Variants in FRY observed in about 807,000 individuals in gnomAD.
The protein encoded by FRY is protein furry homolog.
In FRY, 128 loss-of-function variants were observed where a neutral mutation model predicts 348.4. The ratio of observed to expected loss-of-function variants is 0.37; its 90% CI spans 0.32 to 0.43. The LOEUF is 0.43. FRY is among the 20% of genes least tolerant of loss of function. The pLI, the probability that FRY is intolerant of heterozygous loss-of-function variation, is 1.00. For synonymous variants in FRY, 1,370 were observed against 1,374.7 expected, an observed-to-expected ratio of 1.00 and a Z score of 0.08; for missense variants, 2,736 against 3,695.2, an observed-to-expected ratio of 0.74 and a Z score of 6.73.
At chr13:32,294,323 C>G in intron 59 of FRY, 45 bp from the exon 60 acceptor site, 1 of 1,374,998 alleles carries the variant, frequency 7.3e-7, no homozygotes, top group Non-Finnish European at 1.0e-6. Context: ...TGTAAAATTC[C>G]CCCAGCACCT....
intron 23 of FRY, among the ~76,000 whole-genome samples, chr13:32,181,670 T>C (rs1882721696): frequency 6.6e-6 from 1 of 151,952 alleles, no homozygotes; most frequent in Non-Finnish European, 1.5e-5. Context: ...AATCTAAGAT[T>C]GTTTTGCATA....
chr13:32,217,863 G>GTTTTT (rs1566141040), intron 35 of FRY, among the ~76,000 whole-genome samples: 1 of 152,014 alleles, frequency 6.6e-6, no homozygotes, highest in East Asian at 1.9e-4. Flanking sequence ...TTTTGTTTTT[G>GTTTTT]TTTTGTTTGT....
rs569920748 is a variant in FRY, at chr13:32,287,120, G to A, written c.8470-2513G>A. ...GCGGAGGTTGCAATGAGCCAAAATC[G>A]TGCCACTGTACTCCAGCCTGGGCGA... On this transcript the variant is annotated intron_variant, in intron 58 of 60. Transcript: ENST00000542859. Among the ~76,000 whole-genome samples the A allele has an allele frequency of 4.7e-3, 709 of 151,002 alleles. 4 individuals carry two copies. The highest frequency in any genetic ancestry group is 7.6e-3 in the Non-Finnish European group (517 of 67,820).
At chr13:32,213,520 G>A (rs1049837617) in intron 35 of FRY, among the ~76,000 whole-genome samples, 2 of 152,176 alleles carry the variant, frequency 1.3e-5, no homozygotes, top group African/African-American at 4.8e-5. Flanking sequence ...ATGAATAAAG[G>A]TTTTTATATT....
intron 53 of FRY, among the ~76,000 whole-genome samples, chr13:32,264,574 C>T (rs1202737939): frequency 6.6e-6 from 1 of 152,138 alleles, no homozygotes; most frequent in Non-Finnish European, 1.5e-5. Flanking sequence ...TGCCTTCCTT[C>T]CTCTCCTAAA....
At chr13:32,110,109 A>G (rs757060775) in intron 3 of FRY, among the ~76,000 whole-genome samples, 20 of 152,226 alleles carry the variant, frequency 1.3e-4, no homozygotes, top group Non-Finnish European at 1.3e-4. Context: ...ATGGATGTGT[A>G]GAGTGCATTT....
At chr13:32,122,485 A>G (rs1878731463) in intron 4 of FRY, among the ~76,000 whole-genome samples, 1 of 151,900 alleles carries the variant, frequency 6.6e-6, no homozygotes, top group African/African-American at 2.4e-5. Context: ...AAAATCCGGC[A>G]TCTCTTTATG....
chr13:32,165,387 T>G (rs934612576), intron 17 of FRY, among the ~76,000 whole-genome samples: 5 of 152,248 alleles, frequency 3.3e-5, no homozygotes, highest in Non-Finnish European at 7.3e-5. Context: ...ATTGCCTCAA[T>G]AATTCACTTA....
chr13:32,099,253 C>CAT (rs1031338218), intron 2 of FRY, among the ~76,000 whole-genome samples: 7 of 151,498 alleles, frequency 4.6e-5, no homozygotes, highest in East Asian at 3.9e-4. Flanking sequence ...ATAACAAAGA[C>CAT]ATATATATAT....
chr13:32,124,951 T>G, intron 7 of FRY, 76 bp downstream of exon 7: 1 of 1,100,846 alleles, frequency 9.1e-7, no homozygotes, highest in Non-Finnish European at 1.4e-6. Context: ...TTTAGGGAAG[T>G]TGGGGTTGAG....
intron 11 of FRY, among the ~76,000 whole-genome samples, chr13:32,137,537 C>T (rs1424599274): frequency 2.0e-5 from 3 of 152,228 alleles, no homozygotes; most frequent in African/African-American, 7.2e-5. Flanking sequence ...GGCAGTCAGT[C>T]CTAAGCATTC....
rs151025814 is a variant in FRY at position 32,237,161 on chromosome 13, C to G, written c.5811-218C>G. On this transcript the variant is annotated intron_variant, in intron 43 of 60. Coordinates refer to ENST00000542859, the MANE Select transcript of FRY (RefSeq NM_023037.3). This position sits in a 1 kb window ranked among gnomAD's most constrained non-coding sequence, Gnocchi z 6.3. ...CCAATTATTGATTCCTCTACATTTT[C>G]AAGAAGTAGCAGTCAGTATTGGGCT... Among the ~76,000 whole-genome samples, 529 of 152,234 alleles carry G rather than the reference C, an allele frequency of 3.5e-3. 3 individuals are homozygous for G. Among genetic ancestry groups the G allele is most frequent in the African/African-American group, 0.012 (506 of 41,552 alleles).
intron 47 of FRY, among the ~76,000 whole-genome samples, chr13:32,245,523 A>C (rs1206748899): frequency 6.6e-6 from 1 of 152,042 alleles, no homozygotes; most frequent in African/African-American, 2.4e-5. Flanking sequence ...CTGGGGAGAG[A>C]GTTTCCCTTG....
chr13:32,165,182 A>G (rs1204269815), intron 17 of FRY, among the ~76,000 whole-genome samples: 1 of 152,192 alleles, frequency 6.6e-6, no homozygotes, highest in Non-Finnish European at 1.5e-5. Flanking sequence ...CAAAATAATA[A>G]ACACGTTTTA....
At chr13:32,212,076 A>G (rs898105013) in intron 34 of FRY, among the ~76,000 whole-genome samples, 1 of 152,226 alleles carries the variant, frequency 6.6e-6, no homozygotes, top group African/African-American at 2.4e-5. Context: ...GAGTTAAGGA[A>G]TTTGGTTTGA....
intron 47 of FRY, among the ~76,000 whole-genome samples, chr13:32,244,497 G>A (rs1046202065): frequency 4.6e-5 from 7 of 152,240 alleles, no homozygotes; most frequent in Admixed American, 3.3e-4. Flanking sequence ...TTTTTATCCC[G>A]TTTCAGAGAA....
intron 2 of FRY, among the ~76,000 whole-genome samples, chr13:32,086,756 A>G (rs1875890106): frequency 1.3e-5 from 2 of 152,196 alleles, no homozygotes; most frequent in South Asian, 4.1e-4. Flanking sequence ...TAAAAAAAAA[A>G]TCTAACTTTA....
intron 46 of FRY, among the ~76,000 whole-genome samples, chr13:32,242,109 T>A (rs1566161525): frequency 6.6e-6 from 1 of 152,256 alleles, no homozygotes; most frequent in Non-Finnish European, 1.5e-5. Context: ...CTTTTGTTGC[T>A]AATGTTCATA....
chr13:32,136,106 G>A (rs1223382286), intron 10 of FRY, among the ~76,000 whole-genome samples: 1 of 152,100 alleles, frequency 6.6e-6, no homozygotes, highest in Non-Finnish European at 1.5e-5. Context: ...CAAGTTAACA[G>A]ATGAGCCAGT....
Sources: allele counts gnomAD v4.1 joint callset (sites outside exome capture counted in the v4.1 genomes callset), GRCh38; gene constraint gnomAD v4.1.1; non-coding constraint Gnocchi (gnomAD v3.1); transcripts MANE v1.5; gene names NCBI Gene and HGNC (gene_info 2026-07-23, HGNC 2026-07-21).